The following ZSCAN23 variants were observed in gnomAD, a reference collection of about 807,000 sequenced individuals.
ZSCAN23 encodes zinc finger and SCAN domain-containing protein 23.
A neutral mutation model predicts 19.3 loss-of-function variants in ZSCAN23; 19 were observed. The ratio of observed to expected loss-of-function variants is 0.99; its 90% CI spans 0.69 to 1.45. The LOEUF (loss-of-function observed/expected upper bound fraction) is 1.45, where lower values mean the gene tolerates loss of function less well. Ranked by LOEUF, ZSCAN23 falls within the 40% of genes most tolerant of loss-of-function variation. The pLI, the probability that ZSCAN23 is intolerant of heterozygous loss-of-function variation, is 0.00. For missense variants in ZSCAN23, 372 were observed against 462.5 expected (o/e 0.80, Z 1.79); for synonymous variants, 140 against 166.2 (o/e 0.84, Z 1.21).
Position 28,433,214 on chromosome 6 carries a change from T to C in ZSCAN23, c.*1251A>G, listed in dbSNP as rs1486807958. 2.6e-5 allele frequency: 4 copies of C among 152,126 alleles called. No individual in the cohort carries two copies. The highest frequency in any genetic ancestry group is 9.7e-5 in the African/African-American group (4 of 41,440). The allele number at this position is 152,126 out of a possible 1,614,324, so 9.4% of individuals were successfully genotyped here. A position where few individuals can be genotyped will look rare whatever the true frequency, so the allele number is the denominator to read the frequency against. ...ACTTATAAATCCTATAAATTCCATA[T>C]ACTTGTAATTTTTATTTGGTGATAT... is the stretch of plus-strand genomic sequence containing the variant. On this transcript the variant is annotated 3_prime_UTR_variant, in exon 4 of 4. Coordinates refer to ENST00000289788, the MANE Select transcript of ZSCAN23 (RefSeq NM_001012455.2).
At chr6:28,425,599 AT>A in the ZSCAN23 span, among the ~76,000 whole-genome samples, 3 of 152,164 alleles carry the variant, frequency 2.0e-5, no homozygotes, top group Non-Finnish European at 4.4e-5. Context: ...ATGTGCTAGG[AT>A]TACAGCATGC....
At chr6:28,429,744 AAG>A (rs1761721970), downstream of ZSCAN23, among the ~76,000 whole-genome samples, 1 of 152,124 alleles carries the variant, frequency 6.6e-6, no homozygotes, top group African/African-American at 2.4e-5. Flanking sequence ...ATCTACGTAA[AAG>A]AGGGGAACTC....
chr6:28,436,119 G>A lies in ZSCAN23; in HGVS notation c.148C>T (p.Arg50Cys), dbSNP rs549900637. 12 of 1,611,396 alleles carry A rather than the reference G, an allele frequency of 7.4e-6. No homozygotes were observed. The highest frequency in any genetic ancestry group is 1.7e-4 in the Middle Eastern group (1 of 6,058). The change falls in exon 2 of 4, where the codon CGC (arginine) becomes TGC (cysteine). Residue 50 changes from arginine to cysteine, a missense_variant. By Grantham distance (180) the Arg-to-Cys change is radical. Coordinates refer to ENST00000289788, the MANE Select transcript of ZSCAN23 (RefSeq NM_001012455.2). ...TCCTGATAGCAGAACTGCCTGAAGCGTCTACGAAAGATCTCTCTGGTATGA... is the reference window on the plus strand; with the variant it reads ...TCCTGATAGCAGAACTGCCTGAAGCATCTACGAAAGATCTCTCTGGTATGA... ...NPHTREIFRR[R>C]FRQFCYQESP...
At position 28,436,327 on chromosome 6, in the gene ZSCAN23, TCTG is replaced by T; in HGVS notation, c.-64_-62del. 1.5e-6 allele frequency: 2 copies of T among 1,330,698 alleles called. No homozygotes were observed. The highest frequency in any genetic ancestry group is 2.0e-5 in the South Asian group (1 of 50,652). 82.4% of individuals were successfully genotyped at this position (1,330,698 alleles called of 1,614,324 possible). A position where few individuals can be genotyped will look rare whatever the true frequency, so the allele number is the denominator to read the frequency against. Reference sequence around the variant, plus strand: ...TGATAATTCTCCCTTGATCTTTTCTTCTGGAAACCCCGAGATCTAGACAATAAT... The same window carrying T: ...TGATAATTCTCCCTTGATCTTTTCTTGAAACCCCGAGATCTAGACAATAAT... On this transcript the variant is annotated 5_prime_UTR_variant, in exon 2 of 4. Coordinates refer to ENST00000289788, the MANE Select transcript of ZSCAN23 (RefSeq NM_001012455.2).
intron 2 of ZSCAN23, 40 bp from the exon 3 acceptor site, chr6:28,435,647 G>C (rs748886394): frequency 1.3e-6 from 2 of 1,532,840 alleles, no homozygotes; most frequent in Non-Finnish European, 1.8e-6. Context: ...CAATATCAGA[G>C]AGAACATGGC....
chr6:28,426,728 A>G, the ZSCAN23 span, among the ~76,000 whole-genome samples: 4 of 152,250 alleles, frequency 2.6e-5, no homozygotes, highest in Admixed American at 2.0e-4. Flanking sequence ...GTGAAGTGCA[A>G]TAAAGCAAAG....
downstream of ZSCAN23, among the ~76,000 whole-genome samples, chr6:28,431,231 A>G (rs532859301): frequency 1.6e-4 from 25 of 152,312 alleles, no homozygotes; most frequent in African/African-American, 5.3e-4. Flanking sequence ...CCTTTTTCAT[A>G]TATATTCTGC....
Position 28,433,762 on chromosome 6 carries a change from A to G in ZSCAN23, c.*703T>C, listed in dbSNP as rs187978919. On this transcript the variant is annotated 3_prime_UTR_variant, in exon 4 of 4. Coordinates refer to ENST00000289788, the MANE Select transcript of ZSCAN23 (RefSeq NM_001012455.2). ...TCATTATATGTTACGGGAAAAATAC[A>G]AAGAGGCCTGTATTTTCCAATAAGA... 1 of 152,292 alleles carries G rather than the reference A, an allele frequency of 6.6e-6. No individual in the cohort carries two copies. Among genetic ancestry groups the G allele is most frequent in the African/African-American group, 2.4e-5 (1 of 41,578 alleles). The allele number at this position is 152,292 out of a possible 1,614,324, so 9.4% of individuals were successfully genotyped here.
the ZSCAN23 span, among the ~76,000 whole-genome samples, chr6:28,424,441 G>C: frequency 1.3e-5 from 2 of 152,122 alleles, no homozygotes; most frequent in African/African-American, 2.4e-5. Flanking sequence ...GAAGTTTGCT[G>C]CATCAGTTGA....
the ZSCAN23 span, among the ~76,000 whole-genome samples, chr6:28,425,185 C>CT: frequency 8.5e-5 from 13 of 152,260 alleles, no homozygotes; most frequent in African/African-American, 2.9e-4. Flanking sequence ...CGAAAGGAAT[C>CT]TTTTTTTCTT....
Position 28,433,614 on chromosome 6 carries a change from G to A in ZSCAN23, c.*851C>T, listed in dbSNP as rs956541589. On this transcript the variant is annotated 3_prime_UTR_variant, in exon 4 of 4. Transcript: ENST00000289788. ...TCAATAGTAAATGCTGAGAAAATGT[G>A]GAGGTTATAAAAACAATCAACATGA... 1.3e-5 allele frequency: 2 copies of A among 151,786 alleles called. No homozygotes were observed. The highest frequency in any genetic ancestry group is 6.6e-5 in the Admixed American group (1 of 15,236). The allele number at this position is 151,786 out of a possible 1,614,324, so 9.4% of individuals were successfully genotyped here. A position where few individuals can be genotyped will look rare whatever the true frequency, so the allele number is the denominator to read the frequency against.
At position 28,432,905 on chromosome 6, in the gene ZSCAN23, TGAAA is replaced by T. The variant is rs1252035057; in HGVS notation, c.*1556_*1559del. 1 of 152,068 alleles carries T rather than the reference TGAAA, an allele frequency of 6.6e-6. No homozygotes were observed. The highest frequency in any genetic ancestry group is 2.4e-5 in the African/African-American group (1 of 41,446). 9.4% of individuals were successfully genotyped at this position (152,068 alleles called of 1,614,324 possible). On this transcript the variant is annotated 3_prime_UTR_variant, in exon 4 of 4. Coordinates refer to ENST00000289788, the MANE Select transcript of ZSCAN23 (RefSeq NM_001012455.2). ...TGCCTATATTTACATAAAGAAACAC[TGAAA>T]GATACATAAGAAACTAGTACAATGG...
downstream of ZSCAN23, chr6:28,432,054 A>G (rs1447657654): frequency 1.3e-5 from 2 of 152,180 alleles, no homozygotes; most frequent in African/African-American, 2.4e-5. Context: ...GTAAGTGTCT[A>G]TGAAACCATA....
chr6:28,435,249 G>A (rs1219302576), intron 3 of ZSCAN23, among the ~76,000 whole-genome samples, 171 bp from the exon 4 acceptor site: 1 of 152,194 alleles, frequency 6.6e-6, no homozygotes, highest in Non-Finnish European at 1.5e-5. Flanking sequence ...TCAGGGAAAA[G>A]ATGCATGGTA....
chr6:28,431,928 T>C (rs1761767950), downstream of ZSCAN23: 1 of 152,230 alleles, frequency 6.6e-6, no homozygotes, highest in African/African-American at 2.4e-5. Context: ...AGCATCTAAT[T>C]TTACCTTCTG....
rs1761812912 is a variant in ZSCAN23, at chr6:28,433,889, TAAC to T, written c.*573_*575del. On this transcript the variant is annotated 3_prime_UTR_variant, in exon 4 of 4. Transcript: ENST00000289788. ...TTATGAGGAGCCACTGAGCTGCTAA[TAAC>T]ATATGGCTGCTTCAGTTCCTTGGTT... 1 of 152,166 alleles carries T rather than the reference TAAC, an allele frequency of 6.6e-6. No individual in the cohort carries two copies. The highest frequency in any genetic ancestry group is 6.6e-5 in the Admixed American group (1 of 15,266). 9.4% of individuals were successfully genotyped at this position (152,166 alleles called of 1,614,324 possible). A position where few individuals can be genotyped will look rare whatever the true frequency, so the allele number is the denominator to read the frequency against.
chr6:28,440,640 GA>G (rs1335511944), intron 1 of ZSCAN23, among the ~76,000 whole-genome samples: 1 of 152,082 alleles, frequency 6.6e-6, no homozygotes. Context: ...TTTAGGGTCC[GA>G]AAATGTCTTT....
chr6:28,424,511 C>T, the ZSCAN23 span, among the ~76,000 whole-genome samples: 1 of 152,146 alleles, frequency 6.6e-6, no homozygotes, highest in African/African-American at 2.4e-5. Context: ...GCATTTTACC[C>T]ACAGAACTCT....
downstream of ZSCAN23, among the ~76,000 whole-genome samples, chr6:28,432,400 G>GT (rs771335486): frequency 1.3e-5 from 2 of 152,086 alleles, no homozygotes; most frequent in Middle Eastern, 3.2e-3. Context: ...GGAAATATAA[G>GT]TTTTTTATAA....
Sources: allele counts gnomAD v4.1 joint callset (sites outside exome capture counted in the v4.1 genomes callset), GRCh38; gene constraint gnomAD v4.1.1; transcripts MANE v1.5; gene names NCBI Gene and HGNC (gene_info 2026-07-23, HGNC 2026-07-21).